The following CD300LB variants were observed in gnomAD, a reference collection of about 807,000 sequenced individuals.
The protein encoded by CD300LB is CD300 molecule like family member b.
A neutral mutation model predicts 20.8 loss-of-function variants in CD300LB; 18 were observed. That is an observed-to-expected ratio of 0.87 (90% CI 0.60 to 1.28). The LOEUF (loss-of-function observed/expected upper bound fraction) is 1.28, where lower values mean the gene tolerates loss of function less well. Ranked by LOEUF, CD300LB falls within the 50% of genes most tolerant of loss-of-function variation. The pLI is 0.00. For synonymous variants in CD300LB, 91 were observed against 91.3 expected (o/e 1.00, Z 0.02); for missense variants, 222 against 251.8 (o/e 0.88, Z 0.80).
In CD300LB at chr17:74,526,171, G is replaced by A. The variant is rs114878686; in HGVS notation, c.41-94C>T. ...ACTCTGGGCCTTGGATGGAGAAACA[G>A]CCTGGAAAACAAAATCCCAAGATAC... On this transcript the variant is annotated intron_variant, in intron 1 of 3. Coordinates refer to ENST00000392621, the MANE Select transcript of CD300LB (RefSeq NM_174892.4). 3.3e-6 allele frequency: 5 copies of A among 1,508,490 alleles called. No individual in the cohort carries two copies. The South Asian group carries it at 3.9e-5, about 12-fold the overall frequency. The allele number at this position is 1,508,490 out of a possible 1,614,324, so 93.4% of individuals were successfully genotyped here.
chr17:74,525,278 G>A (rs530593072), intron 2 of CD300LB, among the ~76,000 whole-genome samples: 34 of 152,248 alleles, frequency 2.2e-4, no homozygotes, highest in African/African-American at 6.5e-4. Context: ...TTCTTACCCC[G>A]TGCTCATCTT....
Position 74,521,862 on chromosome 17 carries a change from T to A in CD300LB, c.*876A>T. On this transcript the variant is annotated 3_prime_UTR_variant, in exon 4 of 4. Transcript: ENST00000392621. ...CTGTGAGGAGACAGAACCACTTCCC[T>A]AGGACAGTTTTCATTAGTAACATGA... The A allele has an allele frequency of 1.0e-6, 1 of 985,450 alleles. No individual in the cohort carries two copies. The highest frequency in any genetic ancestry group is 1.7e-5 in the African/African-American group (1 of 57,354). The allele number at this position is 985,450 out of a possible 1,614,324, so 61.0% of individuals were successfully genotyped here.
In CD300LB at chr17:74,522,302, A is replaced by G. The variant is rs1433673605; in HGVS notation, c.*436T>C. 2.4e-6 allele frequency: 2 copies of G among 830,904 alleles called. No individual in the cohort carries two copies. Among genetic ancestry groups the G allele is most frequent in the South Asian group, 5.4e-5 (1 of 18,514 alleles). 51.5% of individuals were successfully genotyped at this position (830,904 alleles called of 1,614,324 possible). A position where few individuals can be genotyped will look rare whatever the true frequency, so the allele number is the denominator to read the frequency against. Reference sequence around the variant, plus strand: ...AGTCATTAAAACCCAACTTTGCTAGAAAAAAAAAAATTTAAAAACACGGAT... The same window carrying G: ...AGTCATTAAAACCCAACTTTGCTAGGAAAAAAAAAATTTAAAAACACGGAT... On this transcript the variant is annotated 3_prime_UTR_variant, in exon 4 of 4. Coordinates refer to ENST00000392621, the MANE Select transcript of CD300LB (RefSeq NM_174892.4).
chr17:74,524,584 T>C (rs1907975269), intron 2 of CD300LB, among the ~76,000 whole-genome samples: 1 of 151,986 alleles, frequency 6.6e-6, no homozygotes, highest in Admixed American at 6.6e-5. Flanking sequence ...TGAAACCCTG[T>C]CTCAAAAAAC....
intron 1 of CD300LB, among the ~76,000 whole-genome samples, chr17:74,527,153 T>G (rs1908060792): frequency 6.6e-6 from 1 of 152,236 alleles, no homozygotes; most frequent in African/African-American, 2.4e-5. Flanking sequence ...AGCAATTGGA[T>G]GTGGCAAGAG....
In CD300LB at chr17:74,522,292, A is replaced by G. The variant is rs866553567; in HGVS notation, c.*446T>C. The G allele has an allele frequency of 3.0e-6, 3 of 987,392 alleles. No individual in the cohort carries two copies. In the African/African-American group the frequency reaches 5.3e-5, roughly 17 times the overall value. The allele number at this position is 987,392 out of a possible 1,614,324, so 61.2% of individuals were successfully genotyped here. ...TATGAACATAAGTCATTAAAACCCA[A>G]CTTTGCTAGAAAAAAAAAAATTTAA... On this transcript the variant is annotated 3_prime_UTR_variant, in exon 4 of 4. Transcript: ENST00000392621.
intron 1 of CD300LB, among the ~76,000 whole-genome samples, chr17:74,529,211 G>C (rs78625617): frequency 6.6e-6 from 1 of 152,158 alleles, no homozygotes; most frequent in Non-Finnish European, 1.5e-5. Context: ...TGCTCTGTCA[G>C]TGACAGCTCA....
chr17:74,527,982 T>G (rs1908086596), intron 1 of CD300LB, among the ~76,000 whole-genome samples: 1 of 151,966 alleles, frequency 6.6e-6, no homozygotes, highest in South Asian at 2.1e-4. Flanking sequence ...TAGATTCTCA[T>G]AGAAGTGAGA....
At chr17:74,527,252 T>C (rs930684854) in intron 1 of CD300LB, among the ~76,000 whole-genome samples, 2 of 152,220 alleles carry the variant, frequency 1.3e-5, no homozygotes, top group African/African-American at 4.8e-5. Context: ...CCAGTTAGGC[T>C]GTGTGTAGAT....
rs1567999443 is a variant in CD300LB, at chr17:74,525,895, G to GGTC, written c.220_222dup (p.Asp74dup). The GGTC allele has an allele frequency of 6.2e-7, 1 of 1,614,082 alleles. No homozygotes were observed. Among genetic ancestry groups the GGTC allele is most frequent in the East Asian group, 2.2e-5 (1 of 44,872 alleles). ...TTCTGATTGTCCTTGATGGACACACGGTCACTCTTCTCTCCTTGCTCCGAC... is the reference window on the plus strand; with the variant it reads ...TTCTGATTGTCCTTGATGGACACACGGTCGTCACTCTTCTCTCCTTGCTCCGAC... On this transcript the variant is annotated inframe_insertion, in exon 2 of 4. Transcript: ENST00000392621.
At chr17:74,526,220 TGGTGTTTAA>T in intron 1 of CD300LB, 143 bp from the exon 2 acceptor site, 1 of 1,227,762 alleles carries the variant, frequency 8.1e-7, no homozygotes, top group Admixed American at 2.4e-5. Flanking sequence ...TGAGCCAGTT[TGGTGTTTAA>T]GAGTCCCGAG....
chr17:74,521,450 G>T lies in CD300LB; in HGVS notation c.*1288C>A, dbSNP rs1038264807. ...CAGAATGACTCAGGGGATCTTAGCC[G>T]GGCTCGAACTCTCCTCTCTGGCCAT... On this transcript the variant is annotated 3_prime_UTR_variant, in exon 4 of 4. Transcript: ENST00000392621. 11 of 985,364 alleles carry T rather than the reference G, an allele frequency of 1.1e-5. No homozygotes were observed. The highest frequency in any genetic ancestry group is 3.6e-6 in the Non-Finnish European group (3 of 829,974). The allele number at this position is 985,364 out of a possible 1,614,324, so 61.0% of individuals were successfully genotyped here. A position where few individuals can be genotyped will look rare whatever the true frequency, so the allele number is the denominator to read the frequency against.
At position 74,531,449 on chromosome 17, in the gene CD300LB, A is replaced by G. The variant is rs1468425648; in HGVS notation, c.-99T>C. ...AAGTTCTGCCTGAGCTCTGGCTTGC[A>G]CCTTCTGCACATCTAGACCGCCTTT... On this transcript the variant is annotated 5_prime_UTR_variant, in exon 1 of 4. Transcript: ENST00000392621. 4 of 1,596,442 alleles carry G rather than the reference A, an allele frequency of 2.5e-6. No homozygotes were observed. Among genetic ancestry groups the G allele is most frequent in the South Asian group, 1.1e-5 (1 of 89,052 alleles).
At chr17:74,523,155 G>C in intron 3 of CD300LB, 1 of 540,982 alleles carries the variant, frequency 1.8e-6, no homozygotes, top group Non-Finnish European at 3.3e-6. Context: ...GTACATCTCA[G>C]CTCAACAGAA....
Position 74,521,636 on chromosome 17 carries a change from C to T in CD300LB, c.*1102G>A. ...TTATCCACTGCTGACAGTCAGTACTCCCTATTAGAACCAAGAGCAGGTTGG... is the reference window on the plus strand; with the variant it reads ...TTATCCACTGCTGACAGTCAGTACTTCCTATTAGAACCAAGAGCAGGTTGG... On this transcript the variant is annotated 3_prime_UTR_variant, in exon 4 of 4. Transcript: ENST00000392621. 5.1e-6 allele frequency: 5 copies of T among 985,466 alleles called. No individual in the cohort carries two copies. Among genetic ancestry groups the T allele is most frequent in the Non-Finnish European group, 6.0e-6 (5 of 829,954 alleles). 61.0% of individuals were successfully genotyped at this position (985,466 alleles called of 1,614,324 possible).
chr17:74,521,599 G>A lies in CD300LB; in HGVS notation c.*1139C>T. On this transcript the variant is annotated 3_prime_UTR_variant, in exon 4 of 4. Coordinates refer to ENST00000392621, the MANE Select transcript of CD300LB (RefSeq NM_174892.4). ...TGGGTGCCATGCTAGGGACCAGAGG[G>A]TCCCCTCTCCTTTATCCACTGCTGA... is the stretch of plus-strand genomic sequence containing the variant. 3.0e-6 allele frequency: 3 copies of A among 985,492 alleles called. No homozygotes were observed. Among genetic ancestry groups the A allele is most frequent in the South Asian group, 9.4e-5 (2 of 21,288 alleles). The allele number at this position is 985,492 out of a possible 1,614,324, so 61.0% of individuals were successfully genotyped here.
At chr17:74,529,034 G>A (rs915239823) in intron 1 of CD300LB, among the ~76,000 whole-genome samples, 2 of 152,190 alleles carry the variant, frequency 1.3e-5, no homozygotes, top group East Asian at 3.9e-4. Context: ...GGGGGCTGAG[G>A]TGGGAGGATC....
intron 3 of CD300LB, chr17:74,523,166 G>C (rs1381688919): frequency 1.9e-6 from 1 of 527,014 alleles, no homozygotes; most frequent in African/African-American, 1.9e-5. Flanking sequence ...CTCAACAGAA[G>C]CGCCAGAGGT....
chr17:74,522,006 G>A lies in CD300LB; in HGVS notation c.*732C>T, dbSNP rs112270808. 5,554 of 985,436 alleles carry A rather than the reference G, an allele frequency of 5.6e-3. 270 individuals are homozygous for A. In the African/African-American group the frequency reaches 0.089, roughly 16 times the overall value. 61.0% of individuals were successfully genotyped at this position (985,436 alleles called of 1,614,324 possible). On this transcript the variant is annotated 3_prime_UTR_variant, in exon 4 of 4. Coordinates refer to ENST00000392621, the MANE Select transcript of CD300LB (RefSeq NM_174892.4). ...CTCTTTTGGGGAGGAGACCCAAGCTGTCATGCTGAGGAGGCTCCCAAGCTG... is the reference window on the plus strand; with the variant it reads ...CTCTTTTGGGGAGGAGACCCAAGCTATCATGCTGAGGAGGCTCCCAAGCTG...
Sources: allele counts gnomAD v4.1 joint callset (sites outside exome capture counted in the v4.1 genomes callset), GRCh38; gene constraint gnomAD v4.1.1; transcripts MANE v1.5; gene names NCBI Gene and HGNC (gene_info 2026-07-23, HGNC 2026-07-21).